Variants in SEZ6L observed in about 807,000 individuals in gnomAD.
The protein encoded by SEZ6L is seizure 6-like protein.
Under a neutral mutation model 106.2 loss-of-function variants are expected in SEZ6L, and 37 were observed. The observed-to-expected ratio is 0.35, with a 90% confidence interval of 0.27 to 0.46. SEZ6L has a LOEUF of 0.46. Ranked by LOEUF, SEZ6L falls within the 20% of genes least tolerant of loss-of-function variation. The pLI, the probability that SEZ6L is intolerant of heterozygous loss-of-function variation, is 1.00. For missense variants in SEZ6L, 1,172 were observed against 1,332.8 expected (o/e 0.88, Z 1.88); for synonymous variants, 541 against 570.4 (o/e 0.95, Z 0.73).
chr22:26,224,640 G>A (rs2078583103), intron 1 of SEZ6L, among the ~76,000 whole-genome samples: 1 of 152,204 alleles, frequency 6.6e-6, no homozygotes, highest in Admixed American at 6.5e-5. Context: ...GTTTGACATA[G>A]GATTAGGGTG....
intron 10 of SEZ6L, among the ~76,000 whole-genome samples, chr22:26,341,487 C>T (rs896227581): frequency 3.3e-5 from 5 of 152,168 alleles, no homozygotes; most frequent in Non-Finnish European, 5.9e-5. Flanking sequence ...GCTAGACTCA[C>T]GCCCTCCATG....
intron 1 of SEZ6L, among the ~76,000 whole-genome samples, chr22:26,271,066 C>T (rs2080349493): frequency 6.6e-6 from 1 of 152,188 alleles, no homozygotes; most frequent in South Asian, 2.1e-4. Context: ...ATAATAATGT[C>T]TGATTGTCCT....
At chr22:26,358,352 A>G (rs1227617403) in intron 12 of SEZ6L, among the ~76,000 whole-genome samples, 1 of 152,172 alleles carries the variant, frequency 6.6e-6, no homozygotes, top group African/African-American at 2.4e-5. Flanking sequence ...TTCTCACCAA[A>G]AAGATTGAAA....
At chr22:26,171,012 C>T (rs1212643026) in intron 1 of SEZ6L, among the ~76,000 whole-genome samples, 2 of 152,224 alleles carry the variant, frequency 1.3e-5, no homozygotes, top group Non-Finnish European at 2.9e-5. Flanking sequence ...GCTCCATGGG[C>T]CCTGGCTCTG....
chr22:26,206,543 C>CTAATG (rs1310075609), intron 1 of SEZ6L, among the ~76,000 whole-genome samples: 1 of 152,170 alleles, frequency 6.6e-6, no homozygotes, highest in East Asian at 1.9e-4. Context: ...GGTTACACAG[C>CTAATG]TAATGAGATG....
At chr22:26,179,355 C>T (rs1395097559) in intron 1 of SEZ6L, among the ~76,000 whole-genome samples, 1 of 152,202 alleles carries the variant, frequency 6.6e-6, no homozygotes, top group Admixed American at 6.5e-5. Context: ...TGCACCACTG[C>T]ACTCTAGCCT....
chr22:26,170,664 C>A (rs534198032), intron 1 of SEZ6L, among the ~76,000 whole-genome samples: 37 of 152,244 alleles, frequency 2.4e-4, no homozygotes, highest in Non-Finnish European at 4.6e-4. Context: ...AGGGGTGCAA[C>A]GCCTAACTCA....
At position 26,201,165 on chromosome 22, in the gene SEZ6L, C is replaced by T. The variant is rs73417518; in HGVS notation, c.94+31402C>T. On this transcript the variant is annotated intron_variant, in intron 1 of 16. Transcript: ENST00000248933. Reference sequence around the variant, plus strand: ...AGCATGTTTTATGCAGCTCAGAGCCCGAGCCTCTGGCAGAGACTGGCATAC... The same window carrying T: ...AGCATGTTTTATGCAGCTCAGAGCCTGAGCCTCTGGCAGAGACTGGCATAC... Among the ~76,000 whole-genome samples, 1,363 of 152,012 alleles carry T rather than the reference C, an allele frequency of 9.0e-3. 29 individuals carry two copies. Among genetic ancestry groups the T allele is most frequent in the African/African-American group, 0.03 (1,254 of 41,442 alleles).
intron 1 of SEZ6L, among the ~76,000 whole-genome samples, chr22:26,268,603 G>A (rs1170284712): frequency 6.6e-6 from 1 of 152,216 alleles, no homozygotes; most frequent in Non-Finnish European, 1.5e-5. Flanking sequence ...ATAAGATGGA[G>A]CAGAGGGCAC....
intron 1 of SEZ6L, among the ~76,000 whole-genome samples, chr22:26,245,475 T>C (rs1394659802): frequency 3.9e-5 from 6 of 152,038 alleles, no homozygotes; most frequent in South Asian, 2.1e-4. Context: ...CCCTTCCCCA[T>C]TTGGCATGCA....
At chr22:26,210,526 C>T (rs1012478884) in intron 1 of SEZ6L, among the ~76,000 whole-genome samples, 16 of 152,164 alleles carry the variant, frequency 1.1e-4, no homozygotes, top group Non-Finnish European at 2.2e-4. Flanking sequence ...TAATGTAATT[C>T]CGATGTCAGT....
At chr22:26,218,811 C>A (rs544213800) in intron 1 of SEZ6L, among the ~76,000 whole-genome samples, 2 of 152,178 alleles carry the variant, frequency 1.3e-5, no homozygotes, top group Admixed American at 6.5e-5. Context: ...GTGGTGCATG[C>A]TTGTAATCCC....
At position 26,294,225 on chromosome 22, in the gene SEZ6L, C is replaced by T. The variant is rs117709138; in HGVS notation, c.836-67C>T. On this transcript the variant is annotated intron_variant, in intron 2 of 16. Transcript: ENST00000248933. ...GTTCCCCTAAAGCCCCCATTCCACC[C>T]CACAGCCCATGGTTGAGCTTACATC... The T allele has an allele frequency of 6.5e-4, 1,016 of 1,553,152 alleles. 12 individuals carry two copies. The East Asian group carries it at 0.02, about 30-fold the overall frequency.
intron 9 of SEZ6L, among the ~76,000 whole-genome samples, chr22:26,323,204 C>G (rs1283409518): frequency 6.6e-6 from 1 of 152,230 alleles, no homozygotes; most frequent in Non-Finnish European, 1.5e-5. Context: ...TAAGTGCATC[C>G]TGATGTTCAC....
chr22:26,236,207 T>C (rs1213256878), intron 1 of SEZ6L, among the ~76,000 whole-genome samples: 3 of 152,216 alleles, frequency 2.0e-5, no homozygotes, highest in Non-Finnish European at 4.4e-5. Flanking sequence ...CAAATTGCCT[T>C]TGGAGTTTGA....
chr22:26,268,214 A>G (rs977120334), intron 1 of SEZ6L, among the ~76,000 whole-genome samples: 1 of 152,224 alleles, frequency 6.6e-6, no homozygotes, highest in Non-Finnish European at 1.5e-5. Context: ...AACATGCACA[A>G]TGACTTTGTC....
intron 1 of SEZ6L, among the ~76,000 whole-genome samples, chr22:26,182,947 A>T (rs1389063351): frequency 1.3e-5 from 2 of 152,110 alleles, no homozygotes; most frequent in South Asian, 2.1e-4. Flanking sequence ...TGACGTCAGG[A>T]GCAACTTCTT....
intron 1 of SEZ6L, among the ~76,000 whole-genome samples, chr22:26,251,224 C>T (rs746489257): frequency 3.3e-5 from 5 of 152,010 alleles, no homozygotes; most frequent in Non-Finnish European, 7.4e-5. Context: ...TGTTCTAGTT[C>T]TTAAAGGAAA....
chr22:26,324,190 A>C (rs2082242269), intron 9 of SEZ6L, among the ~76,000 whole-genome samples: 1 of 152,124 alleles, frequency 6.6e-6, no homozygotes, highest in Non-Finnish European at 1.5e-5. Flanking sequence ...ACTGAGGCTC[A>C]AAGTGTTTCC....
Sources: gnomAD v4.1 joint callset for allele counts (sites outside exome capture counted in the v4.1 genomes callset) on GRCh38, gnomAD v4.1.1 for gene constraint, MANE v1.5 for transcripts, NCBI Gene and HGNC (gene_info 2026-07-23, HGNC 2026-07-21) for gene names.